Variants in CCDC102B observed in about 807,000 individuals in gnomAD.
The protein encoded by CCDC102B is coiled-coil domain-containing protein 102B.
A neutral mutation model predicts 57.4 loss-of-function variants in CCDC102B; 75 were observed. The observed-to-expected ratio is 1.31, with a 90% CI of 1.08 to 1.58. The LOEUF is 1.58. CCDC102B is among the 40% of genes most tolerant of loss of function. CCDC102B has a pLI of 0.00. For synonymous variants in CCDC102B, 206 were observed against 201.9 expected (o/e 1.02, Z -0.17); for missense variants, 636 against 582.6 (o/e 1.09, Z -0.94).
chr18:69,011,230 G>T (rs1001797033), intron 7 of CCDC102B, 126 bp downstream of exon 7: 11 of 813,280 alleles, frequency 1.4e-5, no homozygotes, highest in Non-Finnish European at 1.9e-5. Context: ...CTTAATGACT[G>T]AAATCAATTT....
intron 2 of CCDC102B, among the ~76,000 whole-genome samples, chr18:68,763,147 G>A (rs1281488530): frequency 6.6e-6 from 1 of 151,794 alleles, no homozygotes; most frequent in Non-Finnish European, 1.5e-5. Context: ...GAACTCCTAT[G>A]GTCTTTAAAG....
At chr18:68,904,127 A>T (rs904333714) in intron 6 of CCDC102B, among the ~76,000 whole-genome samples, 1 of 152,046 alleles carries the variant, frequency 6.6e-6, no homozygotes, top group Non-Finnish European at 1.5e-5. Flanking sequence ...TATAAAATAG[A>T]AATTATTATA....
intron 6 of CCDC102B, among the ~76,000 whole-genome samples, chr18:68,979,104 G>C (rs1329545627): frequency 6.6e-6 from 1 of 152,026 alleles, no homozygotes; most frequent in East Asian, 1.9e-4. Flanking sequence ...GCAACATTCT[G>C]TATTCTAAGT....
chr18:68,949,078 C>T (rs2145191275), intron 6 of CCDC102B, among the ~76,000 whole-genome samples: 1 of 152,154 alleles, frequency 6.6e-6, no homozygotes, highest in East Asian at 1.9e-4. Context: ...AGGCCGGTCT[C>T]GCCTTTCACA....
chr18:68,793,590 T>TATCCATCCATCC (rs10628588), upstream of CCDC102B, among the ~76,000 whole-genome samples: 581 of 149,296 alleles, frequency 3.9e-3, 6 homozygotes, highest in African/African-American at 0.013. Context: ...GTTCATAGAA[T>TATCCATCCATCC]ATCCATCCAT....
intron 2 of CCDC102B, among the ~76,000 whole-genome samples, chr18:68,779,267 C>T (rs946589316): frequency 6.6e-6 from 1 of 152,096 alleles, no homozygotes; most frequent in Non-Finnish European, 1.5e-5. Context: ...GTATAGTCCT[C>T]ACCAGGAGAG....
intron 6 of CCDC102B, among the ~76,000 whole-genome samples, chr18:68,960,358 T>A (rs2050016876): frequency 7.4e-6 from 1 of 135,496 alleles, no homozygotes; most frequent in African/African-American, 2.9e-5. Flanking sequence ...GATGCCCTAT[T>A]CTACTGTGGC....
chr18:68,867,888 C>T (rs986245820), intron 4 of CCDC102B, among the ~76,000 whole-genome samples: 1 of 152,008 alleles, frequency 6.6e-6, no homozygotes. Context: ...GAGCCGAGGT[C>T]ATGCCACTGC....
At position 69,022,222 on chromosome 18, in the gene CCDC102B, T is replaced by TATATATATATATATATATATATAAAA. The variant is rs1395799223; in HGVS notation, c.1434+11119_1434+11120insTATATATATATATATATATATAAAAA. Among the ~76,000 whole-genome samples the TATATATATATATATATATATATAAAA allele has an allele frequency of 4.2e-5, 4 of 95,004 alleles. 1 individual carries two copies. Among genetic ancestry groups the TATATATATATATATATATATATAAAA allele is most frequent in the East Asian group, 7.7e-4 (2 of 2,606 alleles). 62.3% of individuals were successfully genotyped at this position (95,004 alleles called of 152,430 possible). A position where few individuals can be genotyped will look rare whatever the true frequency, so the allele number is the denominator to read the frequency against. ...ATATATATATATATATATATATATA[T>TATATATATATATATATATATATAAAA]AACACACACACACGCGTGCGTGTGC... On this transcript the variant is annotated intron_variant, in intron 7 of 7. Transcript: ENST00000360242.
At chr18:68,881,868 T>A (rs2039704794) in intron 5 of CCDC102B, among the ~76,000 whole-genome samples, 1 of 152,142 alleles carries the variant, frequency 6.6e-6, no homozygotes, top group African/African-American at 2.4e-5. Flanking sequence ...AAAAATTACC[T>A]AAACATTTTA....
chr18:68,728,672 T>C (rs193265793), intron 2 of CCDC102B, among the ~76,000 whole-genome samples: 4 of 152,302 alleles, frequency 2.6e-5, no homozygotes, highest in African/African-American at 7.2e-5. Flanking sequence ...CTGGGTGTTA[T>C]CCTGCTCGAG....
intron 7 of CCDC102B, among the ~76,000 whole-genome samples, chr18:69,026,904 G>T (rs1220345045): frequency 6.6e-6 from 1 of 152,182 alleles, no homozygotes; most frequent in Non-Finnish European, 1.5e-5. Flanking sequence ...TGTACAATAT[G>T]CATGAGCACG....
chr18:68,857,266 AAT>A (rs369148222), intron 4 of CCDC102B, among the ~76,000 whole-genome samples: 26,979 of 55,288 alleles, frequency 0.49, 8,924 homozygotes, highest in East Asian at 0.73. Context: ...TAAATATATA[AAT>A]ATATATATAA....
At chr18:69,055,777 G>T (rs2052806070), downstream of CCDC102B, among the ~76,000 whole-genome samples, 1 of 151,998 alleles carries the variant, frequency 6.6e-6, no homozygotes, top group African/African-American at 2.4e-5. Context: ...ATAGTTTCTT[G>T]CACACAACAC....
At chr18:69,011,338 G>T (rs1010317270) in intron 7 of CCDC102B, 2 of 457,900 alleles carry the variant, frequency 4.4e-6, no homozygotes, top group East Asian at 6.2e-5. Context: ...CAGTACTTCA[G>T]CATGACCTTG....
chr18:69,031,492 G>T (rs2052144079), intron 7 of CCDC102B, among the ~76,000 whole-genome samples: 1 of 140,808 alleles, frequency 7.1e-6, no homozygotes. Flanking sequence ...AATTTATTTT[G>T]ATATAGCAGC....
intron 2 of CCDC102B, among the ~76,000 whole-genome samples, chr18:68,751,388 T>C (rs2033845561): frequency 6.6e-6 from 1 of 152,158 alleles, no homozygotes; most frequent in African/African-American, 2.4e-5. Context: ...AACACACGGA[T>C]ATTCACAGGC....
At position 68,942,301 on chromosome 18, in the gene CCDC102B, G is replaced by C. The variant is rs187537382; in HGVS notation, c.1263+44873G>C. On this transcript the variant is annotated intron_variant, in intron 6 of 7. Coordinates refer to ENST00000360242, the MANE Select transcript of CCDC102B (RefSeq NM_024781.3). ...GTGGCCTGCCCCTCCACACCTGTGG[G>C]CGTTTCTCGTCAGGTGGAAAGAGAG... Among the ~76,000 whole-genome samples, 755 of 152,152 alleles carry C rather than the reference G, an allele frequency of 5.0e-3. 2 individuals carry two copies. The highest frequency in any genetic ancestry group is 5.9e-3 in the Non-Finnish European group (403 of 67,990).
chr18:68,804,891 A>G (rs1407812697), intron 1 of CCDC102B, among the ~76,000 whole-genome samples: 1 of 146,736 alleles, frequency 6.8e-6, no homozygotes, highest in East Asian at 2.0e-4. Flanking sequence ...TGTTGAGGGT[A>G]TTATAGCATG....
Sources: allele counts gnomAD v4.1 joint callset (sites outside exome capture counted in the v4.1 genomes callset), GRCh38; gene constraint gnomAD v4.1.1; transcripts MANE v1.5; gene names NCBI Gene and HGNC (gene_info 2026-07-23, HGNC 2026-07-21).